CNTN5: variants seen among roughly 807,000 people sequenced by gnomAD.
The protein encoded by CNTN5 is contactin-5.
A neutral mutation model predicts 129.1 loss-of-function variants in CNTN5; 77 were observed. That is an observed-to-expected ratio of 0.60 (90% CI 0.50 to 0.72). CNTN5 has a LOEUF of 0.72. Among genes scored for constraint, CNTN5 ranks in the 30% least tolerant of loss-of-function variants. The pLI is 0.00. For missense variants in CNTN5, 1,478 were observed against 1,328.8 expected (o/e 1.11, Z -1.75); for synonymous variants, 509 against 465.6 (o/e 1.09, Z -1.20).
intron 1 of CNTN5, among the ~76,000 whole-genome samples, chr11:99,039,443 A>G (rs937725188): frequency 7.2e-5 from 11 of 152,096 alleles, no homozygotes; most frequent in Non-Finnish European, 1.2e-4. Context: ...TTTTTCTATC[A>G]CTAGACAAAC....
chr11:99,796,491 T>C (rs1945945597), intron 3 of CNTN5, among the ~76,000 whole-genome samples: 1 of 152,002 alleles, frequency 6.6e-6, no homozygotes, highest in Non-Finnish European at 1.5e-5. Context: ...ACTTCACAAA[T>C]GGCTGCTCTG....
rs1952551407 is a variant in CNTN5 at position 100,357,558 on chromosome 11, C to T, written c.*1338C>T. The T allele has an allele frequency of 6.6e-6, 1 of 151,702 alleles. No individual in the cohort carries two copies. The highest frequency in any genetic ancestry group is 2.4e-5 in the African/African-American group (1 of 41,364). 9.4% of individuals were successfully genotyped at this position (151,702 alleles called of 1,614,324 possible). A position where few individuals can be genotyped will look rare whatever the true frequency, so the allele number is the denominator to read the frequency against. Reference sequence around the variant, plus strand: ...AATGTGCCAGAGTTGGCATCATACCCATGAAGATGCGTGAAAGGATAGTTA... The same window carrying T: ...AATGTGCCAGAGTTGGCATCATACCTATGAAGATGCGTGAAAGGATAGTTA... On this transcript the variant is annotated 3_prime_UTR_variant, in exon 25 of 25. Transcript: ENST00000524871.
intron 18 of CNTN5, among the ~76,000 whole-genome samples, chr11:100,279,628 C>T (rs1950590541): frequency 6.6e-6 from 1 of 151,764 alleles, no homozygotes; most frequent in African/African-American, 2.4e-5. Flanking sequence ...TCTAATGATC[C>T]TTTGAATTTC....
At chr11:100,277,728 A>G (rs1013143981) in intron 18 of CNTN5, among the ~76,000 whole-genome samples, 1 of 152,002 alleles carries the variant, frequency 6.6e-6, no homozygotes, top group Non-Finnish European at 1.5e-5. Context: ...ATCCTTTGGC[A>G]GACAGGTAGT....
intron 4 of CNTN5, among the ~76,000 whole-genome samples, chr11:99,827,106 G>A (rs116650173): frequency 3.6e-4 from 55 of 152,070 alleles, no homozygotes; most frequent in African/African-American, 1.2e-3. Context: ...GTTTTAATGC[G>A]AGACAGGGCT....
intron 3 of CNTN5, among the ~76,000 whole-genome samples, chr11:99,614,000 C>G (rs1057133403): frequency 2.6e-5 from 4 of 152,108 alleles, no homozygotes; most frequent in Non-Finnish European, 5.9e-5. Flanking sequence ...AATTATAAAA[C>G]TCTGTTATAG....
intron 4 of CNTN5, among the ~76,000 whole-genome samples, chr11:99,827,765 C>T (rs1013701780): frequency 3.9e-5 from 6 of 151,914 alleles, no homozygotes; most frequent in African/African-American, 1.5e-4. Flanking sequence ...TATACAATTA[C>T]TTTACCTCTC....
chr11:99,399,543 G>T (rs187688078), intron 2 of CNTN5, among the ~76,000 whole-genome samples: 1 of 151,536 alleles, frequency 6.6e-6, no homozygotes, highest in Non-Finnish European at 1.5e-5. Flanking sequence ...GATAAGAGCC[G>T]ATTATGTAAT....
chr11:100,006,766 TG>T (rs34391102), intron 9 of CNTN5, among the ~76,000 whole-genome samples: 56,742 of 151,906 alleles, frequency 0.37, 12,001 homozygotes, highest in African/African-American at 0.57. Flanking sequence ...CTGTTCTTAA[TG>T]GTATATAGAA....
intron 2 of CNTN5, among the ~76,000 whole-genome samples, chr11:99,480,201 T>C (rs1945537861): frequency 6.6e-6 from 1 of 152,226 alleles, no homozygotes; most frequent in South Asian, 2.1e-4. Flanking sequence ...AAATATGCTC[T>C]ACAACAAATT....
intron 1 of CNTN5, among the ~76,000 whole-genome samples, chr11:99,030,131 A>G (rs1863297474): frequency 6.6e-6 from 1 of 152,220 alleles, no homozygotes; most frequent in African/African-American, 2.4e-5. Flanking sequence ...GAGCAACACC[A>G]TAACCTTTCT....
intron 13 of CNTN5, among the ~76,000 whole-genome samples, chr11:100,098,211 A>C (rs1945080492): frequency 6.6e-6 from 1 of 151,856 alleles, no homozygotes; most frequent in African/African-American, 2.4e-5. Flanking sequence ...ATGTATAAGC[A>C]AAAAAAAGTA....
chr11:99,496,685 A>G (rs1024078637), intron 2 of CNTN5, among the ~76,000 whole-genome samples: 2 of 152,190 alleles, frequency 1.3e-5, no homozygotes, highest in Non-Finnish European at 2.9e-5. Context: ...AAAATCATGT[A>G]AGATAGTCCA....
intron 2 of CNTN5, among the ~76,000 whole-genome samples, chr11:99,516,452 C>G (rs1399842020): frequency 6.6e-6 from 1 of 152,040 alleles, no homozygotes; most frequent in African/African-American, 2.4e-5. Context: ...CTGAAAAGAG[C>G]ACTTTTCAGG....
At chr11:99,190,555 TTTC>T (rs914198900) in intron 1 of CNTN5, among the ~76,000 whole-genome samples, 7 of 151,608 alleles carry the variant, frequency 4.6e-5, no homozygotes, top group African/African-American at 9.7e-5. Flanking sequence ...CATTTATTTG[TTTC>T]TTCTTCTATT....
chr11:100,341,650 A>G (rs1307018263), intron 23 of CNTN5, among the ~76,000 whole-genome samples: 1 of 152,220 alleles, frequency 6.6e-6, no homozygotes, highest in Non-Finnish European at 1.5e-5. Flanking sequence ...GAAAACAAAA[A>G]ATCCAGGGAG....
Position 100,061,405 on chromosome 11 carries a change from C to A in CNTN5, c.1162+12C>A. ...ATTACAAGTATACAGTAAGTGTTTT[C>A]AGCAAAGCATGATTGCTCTAGTCCC... On this transcript the variant is annotated intron_variant, in intron 10 of 24. Coordinates refer to ENST00000524871, the MANE Select transcript of CNTN5 (RefSeq NM_014361.4). 6.5e-7 allele frequency: 1 copy of A among 1,527,008 alleles called. No individual in the cohort carries two copies. The highest frequency in any genetic ancestry group is 1.3e-5 in the South Asian group (1 of 79,830). 94.6% of individuals were successfully genotyped at this position (1,527,008 alleles called of 1,614,324 possible).
At chr11:99,747,102 A>G (rs1034692701) in intron 3 of CNTN5, among the ~76,000 whole-genome samples, 4 of 152,126 alleles carry the variant, frequency 2.6e-5, no homozygotes, top group Admixed American at 2.6e-4. Flanking sequence ...TCTTTCATCA[A>G]TGTATTGTAG....
chr11:99,322,830 A>G (rs113481656), intron 1 of CNTN5, among the ~76,000 whole-genome samples: 4,939 of 152,290 alleles, frequency 0.032, 111 homozygotes, highest in South Asian at 0.048. Flanking sequence ...AGGTGATTAC[A>G]TGGCTTTTAC....
Sources: allele counts gnomAD v4.1 joint callset (sites outside exome capture counted in the v4.1 genomes callset), GRCh38; gene constraint gnomAD v4.1.1; transcripts MANE v1.5; gene names NCBI Gene and HGNC (gene_info 2026-07-23, HGNC 2026-07-21).